The following THSD4 variants were observed in gnomAD, a reference collection of about 807,000 sequenced individuals.
The protein encoded by THSD4 is thrombospondin type-1 domain-containing protein 4.
In THSD4, 69 loss-of-function variants were observed where a neutral mutation model predicts 119.0. That is an observed-to-expected ratio of 0.58 (90% CI 0.48 to 0.71). THSD4 has a LOEUF of 0.71. Ranked by LOEUF, THSD4 falls within the 30% of genes least tolerant of loss-of-function variation. The pLI is 0.00. For missense variants in THSD4, 1,393 were observed against 1,391.1 expected (o/e 1.00, Z -0.02); for synonymous variants, 524 against 540.4 (o/e 0.97, Z 0.42).
chr15:71,562,848 A>G (rs1429902927), intron 7 of THSD4, among the ~76,000 whole-genome samples: 5 of 152,042 alleles, frequency 3.3e-5, no homozygotes, highest in African/African-American at 9.7e-5. Context: ...GATTGCAGGC[A>G]TGTGCCACCA....
intron 2 of THSD4, among the ~76,000 whole-genome samples, chr15:71,143,681 CT>C (rs1427077113): frequency 9.1e-6 from 1 of 109,950 alleles, no homozygotes; most frequent in African/African-American, 4.1e-5. Context: ...GGATTTTTTT[CT>C]TTCTTTTTTT....
chr15:71,415,262 T>C (rs1462629195), intron 7 of THSD4, among the ~76,000 whole-genome samples: 2 of 152,250 alleles, frequency 1.3e-5, no homozygotes, highest in East Asian at 3.8e-4. Context: ...AGGAGGGCAC[T>C]GTCCTCACAT....
At chr15:71,282,520 G>T (rs969019149) in intron 6 of THSD4, among the ~76,000 whole-genome samples, 1 of 152,170 alleles carries the variant, frequency 6.6e-6, no homozygotes, top group Non-Finnish European at 1.5e-5. Context: ...TGCTTGTCCA[G>T]TGCTGCCTTG....
chr15:71,144,842 A>G (rs1286988318), intron 2 of THSD4, among the ~76,000 whole-genome samples: 3 of 152,190 alleles, frequency 2.0e-5, no homozygotes, highest in Non-Finnish European at 4.4e-5. Flanking sequence ...ATCTTGGACA[A>G]GCTCTGGATG....
At chr15:71,223,930 A>G (rs2043994467) in intron 4 of THSD4, among the ~76,000 whole-genome samples, 1 of 152,156 alleles carries the variant, frequency 6.6e-6, no homozygotes, top group African/African-American at 2.4e-5. Flanking sequence ...TTGCTGACAC[A>G]AAGTGGAGAA....
intron 8 of THSD4, among the ~76,000 whole-genome samples, chr15:71,667,081 T>C (rs1243412759): frequency 1.3e-5 from 2 of 152,258 alleles, no homozygotes; most frequent in East Asian, 1.9e-4. Context: ...TCTGCAGACT[T>C]GAGCTCCAAA....
chr15:71,263,578 C>T (rs1259284619), intron 6 of THSD4, among the ~76,000 whole-genome samples: 2 of 152,100 alleles, frequency 1.3e-5, no homozygotes. Flanking sequence ...CAGTGTCTTC[C>T]ACAATGGGTG....
intron 8 of THSD4, among the ~76,000 whole-genome samples, chr15:71,721,260 G>A (rs898322780): frequency 2.0e-5 from 3 of 152,170 alleles, no homozygotes; most frequent in Non-Finnish European, 2.9e-5. Flanking sequence ...TGTAATCCCA[G>A]CACTTTGGGA....
intron 8 of THSD4, among the ~76,000 whole-genome samples, chr15:71,718,728 CTCTG>C (rs991736018): frequency 9.2e-5 from 14 of 152,270 alleles, no homozygotes; most frequent in Admixed American, 5.9e-4. Context: ...CCCCTCCTGC[CTCTG>C]TCTTTGTCCA....
At chr15:71,644,088 T>C (rs1316105800) in intron 7 of THSD4, among the ~76,000 whole-genome samples, 1 of 152,228 alleles carries the variant, frequency 6.6e-6, no homozygotes, top group Non-Finnish European at 1.5e-5. Flanking sequence ...TTAGCAGACA[T>C]GATTTATAGG....
At chr15:71,258,488 T>G (rs536001629) in intron 6 of THSD4, among the ~76,000 whole-genome samples, 53 of 152,166 alleles carry the variant, frequency 3.5e-4, no homozygotes, top group African/African-American at 1.3e-3. Flanking sequence ...CTGTAAATGG[T>G]TTTGTAACAT....
intron 8 of THSD4, among the ~76,000 whole-genome samples, chr15:71,691,861 G>C (rs2052057364): frequency 6.6e-6 from 1 of 152,196 alleles, no homozygotes; most frequent in Non-Finnish European, 1.5e-5. Flanking sequence ...GCGAATACAT[G>C]AGAGATTGGC....
chr15:71,398,489 C>T (rs1485649417), intron 6 of THSD4, among the ~76,000 whole-genome samples: 1 of 152,044 alleles, frequency 6.6e-6, no homozygotes, highest in Non-Finnish European at 1.5e-5. Flanking sequence ...TGATGAAGGC[C>T]TGAGCTGGGA....
chr15:71,532,281 A>AGTGTGTGTGT (rs1321666806), intron 7 of THSD4, among the ~76,000 whole-genome samples: 2 of 113,140 alleles, frequency 1.8e-5, no homozygotes, highest in Admixed American at 8.8e-5. Flanking sequence ...AGAGAGAGAG[A>AGTGTGTGTGT]GAGTGTGTGT....
chr15:71,535,470 C>T (rs74702525), intron 7 of THSD4, among the ~76,000 whole-genome samples: 6,698 of 152,252 alleles, frequency 0.044, 207 homozygotes, highest in Middle Eastern at 0.095. Context: ...GTTGTCATTT[C>T]TCTTAGGTAT....
intron 7 of THSD4, among the ~76,000 whole-genome samples, chr15:71,451,802 G>A (rs187884903): frequency 6.0e-4 from 92 of 152,264 alleles, no homozygotes; most frequent in African/African-American, 2.1e-3. Context: ...TCAGGGTGGA[G>A]GAGGAAGCAT....
At position 71,781,021 on chromosome 15, in the gene THSD4, G is replaced by A. The variant is rs2053990464; in HGVS notation, c.*3647G>A. 6.1e-6 allele frequency: 2 copies of A among 326,422 alleles called. No individual in the cohort carries two copies. The highest frequency in any genetic ancestry group is 2.1e-5 in the African/African-American group (1 of 46,530). The allele number at this position is 326,422 out of a possible 1,614,324, so 20.2% of individuals were successfully genotyped here. On this transcript the variant is annotated 3_prime_UTR_variant, in exon 18 of 18. Coordinates refer to ENST00000261862, the MANE Select transcript of THSD4 (RefSeq NM_024817.3). ...AATGAGGAGGAAGACATAAATATAAGTGGTAAAAAGAAACATGACTTCCCT... is the reference window on the plus strand; with the variant it reads ...AATGAGGAGGAAGACATAAATATAAATGGTAAAAAGAAACATGACTTCCCT...
chr15:71,708,587 A>T (rs947709249), intron 8 of THSD4, among the ~76,000 whole-genome samples: 1 of 152,210 alleles, frequency 6.6e-6, no homozygotes, highest in African/African-American at 2.4e-5. Context: ...GGGCAAAGCC[A>T]TGTCAGGAAC....
At chr15:71,712,491 T>A (rs1426140213) in intron 8 of THSD4, among the ~76,000 whole-genome samples, 3 of 152,164 alleles carry the variant, frequency 2.0e-5, no homozygotes, top group African/African-American at 7.2e-5. Flanking sequence ...TAATCCCAAA[T>A]CATATTTCTT....
Sources: gnomAD v4.1 joint callset for allele counts (sites outside exome capture counted in the v4.1 genomes callset) on GRCh38, gnomAD v4.1.1 for gene constraint, MANE v1.5 for transcripts, NCBI Gene and HGNC (gene_info 2026-07-23, HGNC 2026-07-21) for gene names.